Variants in DLGAP2 observed in about 807,000 individuals in gnomAD.
The protein encoded by DLGAP2 is disks large-associated protein 2.
In DLGAP2, 26 loss-of-function variants were observed where a neutral mutation model predicts 100.3. The ratio of observed to expected loss-of-function variants is 0.26; its 90% CI spans 0.19 to 0.36. The LOEUF is 0.36. Ranked by LOEUF, DLGAP2 falls within the 10% of genes least tolerant of loss-of-function variation. The pLI is 1.00. For synonymous variants in DLGAP2, 886 were observed against 630.1 expected (o/e 1.41, Z -6.08); for missense variants, 1,858 against 1,453.2 (o/e 1.28, Z -4.53).
chr8:951,254 C>G (rs1424119051), intron 2 of DLGAP2, among the ~76,000 whole-genome samples: 1 of 152,048 alleles, frequency 6.6e-6, no homozygotes, highest in East Asian at 1.9e-4. Flanking sequence ...GACTCTGTGT[C>G]TTTTCACACA....
chr8:1,292,817 C>G (rs1800090465), intron 3 of DLGAP2, among the ~76,000 whole-genome samples: 1 of 152,060 alleles, frequency 6.6e-6, no homozygotes, highest in Admixed American at 6.6e-5. Context: ...TTCCCAAGGT[C>G]TTTCATTTCA....
At chr8:916,588 A>G (rs1207462664) in intron 2 of DLGAP2, among the ~76,000 whole-genome samples, 2 of 152,196 alleles carry the variant, frequency 1.3e-5, no homozygotes, top group Non-Finnish European at 2.9e-5. Context: ...GCACACCAAC[A>G]TGGCACATGT....
At chr8:1,534,587 A>G (rs1469501062) in intron 4 of DLGAP2, among the ~76,000 whole-genome samples, 1 of 152,224 alleles carries the variant, frequency 6.6e-6, no homozygotes, top group Non-Finnish European at 1.5e-5. Flanking sequence ...ATCAAAAGAC[A>G]TCTATGAGCA....
At chr8:1,692,826 GA>G (rs1023588196) in intron 13 of DLGAP2, among the ~76,000 whole-genome samples, 9 of 151,114 alleles carry the variant, frequency 6.0e-5, no homozygotes, top group African/African-American at 2.2e-4. Flanking sequence ...CAAACAAAAA[GA>G]AAAACCACAT....
intron 2 of DLGAP2, among the ~76,000 whole-genome samples, chr8:1,029,310 G>A (rs1277080060): frequency 6.6e-6 from 1 of 152,202 alleles, no homozygotes; most frequent in Non-Finnish European, 1.5e-5. Flanking sequence ...GGCGAGAAGA[G>A]TACAACCTGG....
chr8:948,466 C>G (rs868790736), intron 2 of DLGAP2, among the ~76,000 whole-genome samples: 3 of 152,262 alleles, frequency 2.0e-5, no homozygotes, highest in Non-Finnish European at 4.4e-5. Context: ...GCCTCCATCT[C>G]TCCCACCACA....
At chr8:1,323,974 C>T (rs1371707944) in intron 3 of DLGAP2, among the ~76,000 whole-genome samples, 2 of 152,096 alleles carry the variant, frequency 1.3e-5, no homozygotes, top group East Asian at 1.9e-4. Flanking sequence ...TGGCGCGTTT[C>T]GACACAGTAA....
chr8:1,063,287 T>C (rs985824302), intron 2 of DLGAP2, among the ~76,000 whole-genome samples: 1 of 152,180 alleles, frequency 6.6e-6, no homozygotes, highest in African/African-American at 2.4e-5. Flanking sequence ...GAAGAGACAG[T>C]GTTTTAAGTG....
At chr8:1,267,834 C>G (rs975579115) in intron 3 of DLGAP2, among the ~76,000 whole-genome samples, 1 of 152,144 alleles carries the variant, frequency 6.6e-6, no homozygotes, top group South Asian at 2.1e-4. Context: ...TATGGGAATT[C>G]TGAGCATGGG....
At chr8:1,391,065 A>C (rs1796340207) in intron 3 of DLGAP2, among the ~76,000 whole-genome samples, 1 of 152,238 alleles carries the variant, frequency 6.6e-6, no homozygotes, top group African/African-American at 2.4e-5. Context: ...AGGACCTTGA[A>C]AATGAGTTGG....
At chr8:1,551,666 C>T (rs1000341085) in intron 5 of DLGAP2, among the ~76,000 whole-genome samples, 2 of 152,228 alleles carry the variant, frequency 1.3e-5, no homozygotes, top group African/African-American at 4.8e-5. Flanking sequence ...AAAACCATCC[C>T]TCCGAAAGTG....
At chr8:1,274,125 A>G (rs926465580) in intron 3 of DLGAP2, among the ~76,000 whole-genome samples, 18 of 152,030 alleles carry the variant, frequency 1.2e-4, no homozygotes, top group African/African-American at 4.1e-4. Context: ...TTACATTTAT[A>G]GAAAATTTTA....
rs142501541 is a variant in DLGAP2, at chr8:781,390, A to T, written c.18+43565A>T. On this transcript the variant is annotated intron_variant, in intron 1 of 14. Transcript: ENST00000637795. ...TATTCATGGAAGGGTTAGGAACATC[A>T]CAGAAAATAATCGATAAGACCTCAG... is the stretch of plus-strand genomic sequence containing the variant. 2.8e-3 allele frequency among the ~76,000 whole-genome samples: 422 copies of T among 152,318 alleles called. 3 individuals carry two copies. Among genetic ancestry groups the T allele is most frequent in the African/African-American group, 9.7e-3 (405 of 41,554 alleles).
intron 12 of DLGAP2, among the ~76,000 whole-genome samples, chr8:1,683,870 G>A (rs767294618): frequency 0.038 from 3,606 of 94,566 alleles, 182 homozygotes; most frequent in East Asian, 0.12. Flanking sequence ...GTGTGTGTGT[G>A]TGTGTGTGTG....
intron 8 of DLGAP2, among the ~76,000 whole-genome samples, chr8:1,659,219 T>C (rs930057117): frequency 3.3e-5 from 5 of 152,214 alleles, no homozygotes; most frequent in Non-Finnish European, 5.9e-5. Flanking sequence ...TTTGTTATGA[T>C]TTCCATCCTT....
intron 3 of DLGAP2, among the ~76,000 whole-genome samples, chr8:1,307,867 G>T (rs920342252): frequency 7.9e-5 from 12 of 152,170 alleles, no homozygotes; most frequent in African/African-American, 2.9e-4. Context: ...CTGGGCGCTG[G>T]AGGGAAGGAG....
At chr8:1,524,950 T>C (rs528914702) in intron 4 of DLGAP2, among the ~76,000 whole-genome samples, 56 of 152,300 alleles carry the variant, frequency 3.7e-4, no homozygotes, top group African/African-American at 1.3e-3. Flanking sequence ...ATTTTTCTTC[T>C]TGACTTCTTG....
At chr8:881,011 A>T (rs1401459960) in intron 1 of DLGAP2, among the ~76,000 whole-genome samples, 1 of 152,230 alleles carries the variant, frequency 6.6e-6, no homozygotes, top group Non-Finnish European at 1.5e-5. Flanking sequence ...ATAGGTGCTC[A>T]GTAAGTGGCT....
At chr8:1,383,965 C>A (rs141788631) in intron 3 of DLGAP2, among the ~76,000 whole-genome samples, 19 of 152,338 alleles carry the variant, frequency 1.2e-4, no homozygotes, top group African/African-American at 3.1e-4. Flanking sequence ...AGGAGACCCA[C>A]AAATGCATGT....
Sources: allele counts gnomAD v4.1 joint callset (sites outside exome capture counted in the v4.1 genomes callset), GRCh38; gene constraint gnomAD v4.1.1; transcripts MANE v1.5; gene names NCBI Gene and HGNC (gene_info 2026-07-23, HGNC 2026-07-21).